METTL4: variants seen among roughly 807,000 people sequenced by gnomAD.
METTL4 encodes the protein methyltransferase 4, N6-adenosine.
In METTL4, 40 loss-of-function variants were observed where a neutral mutation model predicts 54.0. That is an observed-to-expected ratio of 0.74 (90% CI 0.58 to 0.96). The LOEUF (loss-of-function observed/expected upper bound fraction) is 0.96. Among genes scored for constraint, METTL4 ranks in the 50% least tolerant of loss-of-function variants. METTL4 has a pLI of 0.00. For missense variants in METTL4, 525 were observed against 549.0 expected, an observed-to-expected ratio of 0.96 and a Z score of 0.44; for synonymous variants, 169 against 183.8, an observed-to-expected ratio of 0.92 and a Z score of 0.65.
chr18:2,558,694 A>G (rs961725509), intron 3 of METTL4, among the ~76,000 whole-genome samples: 6 of 152,258 alleles, frequency 3.9e-5, no homozygotes, highest in African/African-American at 1.4e-4. Flanking sequence ...ACTAAATTAA[A>G]AGCTTGTTCT....
chr18:2,552,647 A>G (rs765833694), intron 5 of METTL4, 48 bp downstream of exon 5: 2 of 1,235,644 alleles, frequency 1.6e-6, no homozygotes, highest in Non-Finnish European at 2.4e-6. Flanking sequence ...TATAATGTAC[A>G]AAGGACTACA....
intron 3 of METTL4, among the ~76,000 whole-genome samples, chr18:2,556,685 A>G (rs941275917): frequency 1.3e-5 from 2 of 152,184 alleles, no homozygotes; most frequent in Admixed American, 6.5e-5. Context: ...ATATGATCAA[A>G]GATGTAAAGG....
chr18:2,570,068 GCA>G (rs762722881), intron 1 of METTL4, among the ~76,000 whole-genome samples: 12 of 152,218 alleles, frequency 7.9e-5, no homozygotes, highest in Non-Finnish European at 1.3e-4. Context: ...ACAACTGTAA[GCA>G]CACATGATCC....
At position 2,567,095 on chromosome 18, in the gene METTL4, G is replaced by A. The variant is rs574290661; in HGVS notation, c.122C>T (p.Thr41Ile). 5 of 1,614,182 alleles carry A rather than the reference G, an allele frequency of 3.1e-6. No individual in the cohort carries two copies. The South Asian group carries it at 5.5e-5, about 18-fold the overall frequency. ...EPCCRKKEFT[T>I]SVHFESLQMD... ...TTGAAGAGACTCAAAGTGAACAGAA[G>A]TAGTGAACTCCTTTTTACGGCAACA... is the stretch of plus-strand genomic sequence containing the variant. Residue 41 changes from threonine to isoleucine, a missense_variant, in exon 2 of 9, where the codon ACT becomes ATT. By Grantham distance (89) the Thr-to-Ile change is moderately conservative. Transcript: ENST00000574538.
At chr18:2,559,865 A>G (rs1220393314) in intron 3 of METTL4, among the ~76,000 whole-genome samples, 1 of 152,144 alleles carries the variant, frequency 6.6e-6, no homozygotes, top group East Asian at 1.9e-4. Flanking sequence ...CGTCCCAAGT[A>G]GCTGGGGTTA....
At chr18:2,569,354 A>C (rs941935206) in intron 1 of METTL4, among the ~76,000 whole-genome samples, 1 of 152,216 alleles carries the variant, frequency 6.6e-6, no homozygotes, top group Admixed American at 6.5e-5. Context: ...CGACAGGATC[A>C]AGCAAGTATA....
intron 1 of METTL4, among the ~76,000 whole-genome samples, chr18:2,569,711 G>A (rs1329998906): frequency 2.0e-5 from 3 of 152,044 alleles, no homozygotes; most frequent in Non-Finnish European, 4.4e-5. Flanking sequence ...TCTGAGATTC[G>A]CCTTCCATGA....
At chr18:2,541,710 T>G (rs557285353) in intron 8 of METTL4, among the ~76,000 whole-genome samples, 12 of 150,610 alleles carry the variant, frequency 8.0e-5, no homozygotes, top group African/African-American at 2.2e-4. Context: ...CAATGTGGTC[T>G]CCTACATTTT....
chr18:2,563,231 A>C (rs2143577432), intron 3 of METTL4, among the ~76,000 whole-genome samples: 1 of 152,300 alleles, frequency 6.6e-6, no homozygotes, highest in Admixed American at 6.5e-5. Flanking sequence ...CTCTAAACTT[A>C]ACCAATATAG....
intron 1 of METTL4, chr18:2,568,672 A>G (rs542719597): frequency 9.7e-4 from 147 of 152,296 alleles, no homozygotes; most frequent in African/African-American, 3.1e-3. Context: ...GAATCACTTG[A>G]ACCCAGGAGG....
chr18:2,544,847 G>C, intron 6 of METTL4, 88 bp from the exon 7 acceptor site: 1 of 768,896 alleles, frequency 1.3e-6, no homozygotes, highest in Non-Finnish European at 2.1e-6. Flanking sequence ...AAACCTCCAG[G>C]CTAGTGATAT....
chr18:2,564,603 T>G (rs1294797023), intron 2 of METTL4, among the ~76,000 whole-genome samples: 2 of 152,184 alleles, frequency 1.3e-5, no homozygotes, highest in Non-Finnish European at 2.9e-5. Context: ...CAATATAGAG[T>G]AAGGACTTAG....
At chr18:2,550,244 A>G (rs1488647171) in intron 5 of METTL4, among the ~76,000 whole-genome samples, 1 of 152,152 alleles carries the variant, frequency 6.6e-6, no homozygotes, top group Non-Finnish European at 1.5e-5. Flanking sequence ...TGTGTGGAGA[A>G]AGAGGAAATA....
chr18:2,560,184 G>GA (rs2072295210), intron 3 of METTL4, among the ~76,000 whole-genome samples: 1 of 152,064 alleles, frequency 6.6e-6, no homozygotes, highest in African/African-American at 2.4e-5. Context: ...CAACACATCG[G>GA]AACGTACATG....
intron 2 of METTL4, among the ~76,000 whole-genome samples, chr18:2,566,016 C>A (rs1253293269): frequency 9.5e-5 from 14 of 147,812 alleles, no homozygotes; most frequent in Middle Eastern, 3.5e-3. Context: ...CACTGCACTC[C>A]AGCTTGGGTG....
chr18:2,557,052 G>C (rs2072249354), intron 3 of METTL4, among the ~76,000 whole-genome samples: 1 of 152,130 alleles, frequency 6.6e-6, no homozygotes, highest in Non-Finnish European at 1.5e-5. Flanking sequence ...GATAGCCCCA[G>C]CAAATTGCCT....
At chr18:2,542,189 G>A (rs2143469633) in intron 8 of METTL4, among the ~76,000 whole-genome samples, 2 of 146,690 alleles carry the variant, frequency 1.4e-5, no homozygotes, top group South Asian at 4.2e-4. Flanking sequence ...TAATGCTTTA[G>A]GGCAAGACTC....
At chr18:2,562,223 A>T (rs2072332342) in intron 3 of METTL4, 1 of 152,282 alleles carries the variant, frequency 6.6e-6, no homozygotes, top group South Asian at 2.1e-4. Context: ...AAAATAAAAA[A>T]TTAGCTGAGC....
chr18:2,567,407 G>A lies in METTL4; in HGVS notation c.-191C>T. On this transcript the variant is annotated 5_prime_UTR_variant, in exon 2 of 9. Transcript: ENST00000574538. Reference sequence around the variant, plus strand: ...ATCATTCATGATGTTAATATATACAGAAATTCTAAGGAAAATTGCAATGTT... The same window carrying A: ...ATCATTCATGATGTTAATATATACAAAAATTCTAAGGAAAATTGCAATGTT... 2.4e-6 allele frequency: 1 copy of A among 413,926 alleles called. No homozygotes were observed. The highest frequency in any genetic ancestry group is 4.2e-6 in the Non-Finnish European group (1 of 237,070). 25.6% of individuals were successfully genotyped at this position (413,926 alleles called of 1,614,324 possible). A position where few individuals can be genotyped will look rare whatever the true frequency, so the allele number is the denominator to read the frequency against.
Sources: gnomAD v4.1 joint callset for allele counts (sites outside exome capture counted in the v4.1 genomes callset) on GRCh38, gnomAD v4.1.1 for gene constraint, MANE v1.5 for transcripts, NCBI Gene and HGNC (gene_info 2026-07-23, HGNC 2026-07-21) for gene names.